SPOUT1: variants seen among roughly 807,000 people sequenced by gnomAD.
SPOUT1 encodes 28S rRNA (uridine-N(3))-methyltransferase.
Under a neutral mutation model 54.8 loss-of-function variants are expected in SPOUT1, and 40 were observed. The ratio of observed to expected loss-of-function variants is 0.73; its 90% CI spans 0.57 to 0.95. The LOEUF is 0.95. SPOUT1 is among the 40% of genes least tolerant of loss of function. SPOUT1 has a pLI of 0.00. For synonymous variants in SPOUT1, 193 were observed against 200.3 expected, an observed-to-expected ratio of 0.96 and a Z score of 0.31; for missense variants, 437 against 499.5, an observed-to-expected ratio of 0.87 and a Z score of 1.19.
Position 128,829,232 on chromosome 9 carries a change from T to C in SPOUT1, c.37-77A>G, listed in dbSNP as rs931165205. ...TGGAGGGGGTCCGTTTGCTGCACCATAGCCAGCCCCTCCACACGGGGCGGC... is the reference window on the plus strand; with the variant it reads ...TGGAGGGGGTCCGTTTGCTGCACCACAGCCAGCCCCTCCACACGGGGCGGC... On this transcript the variant is annotated intron_variant, in intron 1 of 11. Coordinates refer to ENST00000361256, the MANE Select transcript of SPOUT1 (RefSeq NM_016390.4). 5.0e-5 allele frequency: 62 copies of C among 1,233,488 alleles called. No individual in the cohort carries two copies. The African/African-American group carries it at 7.4e-4, about 15-fold the overall frequency. 76.4% of individuals were successfully genotyped at this position (1,233,488 alleles called of 1,614,324 possible). A position where few individuals can be genotyped will look rare whatever the true frequency, so the allele number is the denominator to read the frequency against.
In SPOUT1 at chr9:128,827,170, A is replaced by C. The variant is rs1185768879; in HGVS notation, c.230T>G (p.Val77Gly). 1 of 1,613,444 alleles carries C rather than the reference A, an allele frequency of 6.2e-7. No individual in the cohort carries two copies. Among genetic ancestry groups the C allele is most frequent in the South Asian group, 1.1e-5 (1 of 91,080 alleles). ...EDRGRPYTLS[V>G]ALPGSILDNA... ...GTCCAGGATGGAGCCCGGCAGGGCTACGCTCAGTGTGTAGGGCCGCCCTGA... is the reference window on the plus strand; with the variant it reads ...GTCCAGGATGGAGCCCGGCAGGGCTCCGCTCAGTGTGTAGGGCCGCCCTGA... Residue 77 changes from valine to glycine, a missense_variant, in exon 4 of 12, where the codon GTA becomes GGA. Transcript: ENST00000361256.
chr9:128,827,680 G>A (rs1270441944), intron 3 of SPOUT1, among the ~76,000 whole-genome samples: 1 of 152,258 alleles, frequency 6.6e-6, no homozygotes, highest in Non-Finnish European at 1.5e-5. Flanking sequence ...CACTTTGGGA[G>A]GCCAAGGCGG....
At chr9:128,827,356 C>G (rs934010061) in intron 3 of SPOUT1, 165 bp from the exon 4 acceptor site, 1 of 638,696 alleles carries the variant, frequency 1.6e-6, no homozygotes, top group African/African-American at 1.8e-5. Flanking sequence ...CTCAGTCTCC[C>G]AGCAGTCTCC....
chr9:128,823,456 C>G (rs1267723968), intron 11 of SPOUT1, among the ~76,000 whole-genome samples: 1 of 152,134 alleles, frequency 6.6e-6, no homozygotes, highest in African/African-American at 2.4e-5. Flanking sequence ...GAACCAGGGC[C>G]CTGGGAGATC....
In SPOUT1 at chr9:128,829,128, G is replaced by T; in HGVS notation, c.64C>A (p.Arg22=). The change falls in exon 2 of 12, where the codon CGA becomes AGA. Residue 22 remains arginine, a synonymous_variant. Transcript: ENST00000361256. ...TACTTACTCTGTTGCTTCCATTTTC[G>T]CCACTCAATCCTTTGGCCGTGTTCA... ...PGEHGQRIEW[R]KWKQQKKEEK... The T allele has an allele frequency of 6.2e-7, 1 of 1,613,912 alleles. No homozygotes were observed. The highest frequency in any genetic ancestry group is 8.5e-7 in the Non-Finnish European group (1 of 1,179,800).
rs751080280 is a variant in SPOUT1 at position 128,826,477 on chromosome 9, C to T, written c.459-44G>A. On this transcript the variant is annotated intron_variant, in intron 5 of 11. Transcript: ENST00000361256. This position sits in a 1 kb window ranked among gnomAD's most constrained non-coding sequence, Gnocchi z 5.5. The stretch of plus-strand genomic sequence containing the variant: ...CTCAGGATGTTCCCAGGGGAAGCCG[C>T]CTCCTACCTGGTCTCCACTTTGACA... 2.5e-6 allele frequency: 4 copies of T among 1,611,626 alleles called. No homozygotes were observed. In the South Asian group the frequency reaches 4.4e-5, roughly 18 times the overall value.
chr9:128,822,244 G>C lies in SPOUT1; in HGVS notation c.*521C>G. ...TCCTGCAGGTTGACAGAAGTTAGAG[G>C]ACAGATCAGGGAAGGCTGCCTGGAA... is the stretch of plus-strand genomic sequence containing the variant. On this transcript the variant is annotated 3_prime_UTR_variant, in exon 12 of 12. Coordinates refer to ENST00000361256, the MANE Select transcript of SPOUT1 (RefSeq NM_016390.4). 6.6e-7 allele frequency: 1 copy of C among 1,517,324 alleles called. No individual in the cohort carries two copies. The highest frequency in any genetic ancestry group is 1.8e-5 in the Admixed American group (1 of 54,452). The allele number at this position is 1,517,324 out of a possible 1,614,324, so 94.0% of individuals were successfully genotyped here.
At chr9:128,828,664 C>T (rs1386483521) in intron 3 of SPOUT1, 71 bp downstream of exon 3, 11 of 1,548,388 alleles carry the variant, frequency 7.1e-6, no homozygotes, top group East Asian at 6.7e-5. Context: ...TCAGATAAGA[C>T]ATCTCTGCTC....
chr9:128,821,250 G>A lies in SPOUT1; in HGVS notation c.*1515C>T. 4.3e-6 allele frequency: 1 copy of A among 234,368 alleles called. No individual in the cohort carries two copies. Among genetic ancestry groups the A allele is most frequent in the Non-Finnish European group, 8.5e-6 (1 of 117,084 alleles). 14.5% of individuals were successfully genotyped at this position (234,368 alleles called of 1,614,324 possible). ...CCCGCCTTCCCCCTGCAGGTCTGCG[G>A]TGCACCAAGCTCTCCCACCTTCCCT... is the stretch of plus-strand genomic sequence containing the variant. On this transcript the variant is annotated 3_prime_UTR_variant, in exon 12 of 12. Coordinates refer to ENST00000361256, the MANE Select transcript of SPOUT1 (RefSeq NM_016390.4).
In SPOUT1 at chr9:128,822,084, TTTA is replaced by T. The variant is rs1206715106; in HGVS notation, c.*678_*680del. The T allele has an allele frequency of 8.9e-6, 5 of 564,546 alleles. No individual in the cohort carries two copies. The highest frequency in any genetic ancestry group is 1.6e-5 in the Non-Finnish European group (5 of 315,524). 35.0% of individuals were successfully genotyped at this position (564,546 alleles called of 1,614,324 possible). On this transcript the variant is annotated 3_prime_UTR_variant, in exon 12 of 12. Coordinates refer to ENST00000361256, the MANE Select transcript of SPOUT1 (RefSeq NM_016390.4). Reference sequence around the variant, plus strand: ...AGAAGGCTCGATTCTCCTAGCAGCGTTTATTGTCGCCCACTCTGCCTGACCCAG... The same window carrying T: ...AGAAGGCTCGATTCTCCTAGCAGCGTTTGTCGCCCACTCTGCCTGACCCAG...
Position 128,821,133 on chromosome 9 carries a change from A to C in SPOUT1, c.*1632T>G. The C allele has an allele frequency of 2.0e-4, 88 of 429,830 alleles. No individual in the cohort carries two copies. Among genetic ancestry groups the C allele is most frequent in the East Asian group, 5.5e-4 (12 of 21,680 alleles). 26.6% of individuals were successfully genotyped at this position (429,830 alleles called of 1,614,324 possible). A position where few individuals can be genotyped will look rare whatever the true frequency, so the allele number is the denominator to read the frequency against. ...TGTCACCTCTTGGCATGCCCACCCA[A>C]TCTTGTTCTGCCAATATGGAACCCC... On this transcript the variant is annotated 3_prime_UTR_variant, in exon 12 of 12. Transcript: ENST00000361256.
intron 7 of SPOUT1, 146 bp from the exon 8 acceptor site, chr9:128,825,195 G>A (rs1009210866): frequency 1.6e-6 from 1 of 635,198 alleles, no homozygotes; most frequent in Non-Finnish European, 2.8e-6. Context: ...CCTGGCACCG[G>A]CTGAACCTGC....
Position 128,826,290 on chromosome 9 carries a change from T to C in SPOUT1, c.508+94A>G. 6.4e-7 allele frequency: 1 copy of C among 1,567,738 alleles called. No individual in the cohort carries two copies. ...ACAGGTCTTGCTCTCCCAGGCCTGC[T>C]TTCCCACCTGGACAGCGCAGGGTAG... On this transcript the variant is annotated intron_variant, in intron 6 of 11. Coordinates refer to ENST00000361256, the MANE Select transcript of SPOUT1 (RefSeq NM_016390.4). The surrounding 1 kb of genome is among the most constrained non-coding windows in gnomAD (Gnocchi z 5.5).
At position 128,822,513 on chromosome 9, in the gene SPOUT1, C is replaced by A. The variant is rs2132585399; in HGVS notation, c.*252G>T. Reference sequence around the variant, plus strand: ...ATCCCACTGGAGCGCTTCCTGGTGCCCATCGAGAGCATTGAGCGGGCTTCG... The same window carrying A: ...ATCCCACTGGAGCGCTTCCTGGTGCACATCGAGAGCATTGAGCGGGCTTCG... On this transcript the variant is annotated 3_prime_UTR_variant, in exon 12 of 12. Coordinates refer to ENST00000361256, the MANE Select transcript of SPOUT1 (RefSeq NM_016390.4). 1 of 1,560,636 alleles carries A rather than the reference C, an allele frequency of 6.4e-7. No individual in the cohort carries two copies. The highest frequency in any genetic ancestry group is 2.4e-5 in the East Asian group (1 of 41,874).
At chr9:128,824,465 G>A (rs931283737) in intron 9 of SPOUT1, among the ~76,000 whole-genome samples, 2 of 152,174 alleles carry the variant, frequency 1.3e-5, no homozygotes, top group Non-Finnish European at 2.9e-5. Flanking sequence ...ACAGGGCAGA[G>A]ACTGGATAGG....
At chr9:128,825,965 C>T (rs896939832) in intron 7 of SPOUT1, 57 bp downstream of exon 7, 3 of 1,609,756 alleles carry the variant, frequency 1.9e-6, no homozygotes, top group Admixed American at 3.3e-5. Context: ...ATCTGCTTGC[C>T]CTCCATTGCC....
chr9:128,822,004 C>G lies in SPOUT1; in HGVS notation c.*761G>C. 5.5e-6 allele frequency: 2 copies of G among 366,462 alleles called. No individual in the cohort carries two copies. Among genetic ancestry groups the G allele is most frequent in the Non-Finnish European group, 1.0e-5 (2 of 193,942 alleles). 22.7% of individuals were successfully genotyped at this position (366,462 alleles called of 1,614,324 possible). ...GTCCTTGCCCACTTGTTGCTCACCTCTGTGGGGAGAGATGGACAGTCGTTA... is the reference window on the plus strand; with the variant it reads ...GTCCTTGCCCACTTGTTGCTCACCTGTGTGGGGAGAGATGGACAGTCGTTA... On this transcript the variant is annotated 3_prime_UTR_variant, in exon 12 of 12. Transcript: ENST00000361256.
chr9:128,828,420 T>C (rs1346649775), intron 3 of SPOUT1, among the ~76,000 whole-genome samples: 29 of 150,156 alleles, frequency 1.9e-4, no homozygotes, highest in Admixed American at 1.9e-3. Context: ...TGCTTGAACT[T>C]GGGCAGTGGA....
At chr9:128,825,264 G>A (rs1381096536) in intron 7 of SPOUT1, among the ~76,000 whole-genome samples, 6 of 152,166 alleles carry the variant, frequency 3.9e-5, no homozygotes, top group Non-Finnish European at 7.3e-5. Context: ...CCTTTGGGGC[G>A]CTCATGGCAC....
Sources: gnomAD v4.1 joint callset for allele counts (sites outside exome capture counted in the v4.1 genomes callset) on GRCh38, gnomAD v4.1.1 for gene constraint, Gnocchi (gnomAD v3.1) non-coding constraint, MANE v1.5 for transcripts, NCBI Gene and HGNC (gene_info 2026-07-23, HGNC 2026-07-21) for gene names.